The following COX7B2 variants were observed in gnomAD, a reference collection of about 807,000 sequenced individuals.
COX7B2 encodes the protein cytochrome c oxidase subunit 7B2.
For missense variants in COX7B2, 109 were observed against 95.9 expected (o/e 1.14, Z -0.57); for synonymous variants, 37 against 32.1 (o/e 1.15, Z -0.51).
intron 1 of COX7B2, among the ~76,000 whole-genome samples, chr4:46,848,606 T>A (rs1716451656): frequency 6.6e-6 from 1 of 152,074 alleles, no homozygotes; most frequent in Non-Finnish European, 1.5e-5. Context: ...ATTCACTCAA[T>A]GAAGATTTAT....
At chr4:46,830,377 A>G (rs935502733) in intron 2 of COX7B2, among the ~76,000 whole-genome samples, 3 of 152,026 alleles carry the variant, frequency 2.0e-5, no homozygotes, top group African/African-American at 7.2e-5. Flanking sequence ...GAAAAGAAAC[A>G]ATGTATGTAG....
At chr4:46,894,925 A>T (rs545525434) in intron 1 of COX7B2, among the ~76,000 whole-genome samples, 2 of 152,340 alleles carry the variant, frequency 1.3e-5, no homozygotes, top group South Asian at 4.1e-4. Flanking sequence ...TCAAAACTAC[A>T]ATAAGATAGC....
intron 1 of COX7B2, among the ~76,000 whole-genome samples, chr4:46,875,192 T>G (rs928301060): frequency 1.3e-5 from 2 of 152,356 alleles, no homozygotes; most frequent in African/African-American, 4.8e-5. Context: ...AATAGGAATT[T>G]TGTAGATTTT....
intron 1 of COX7B2, among the ~76,000 whole-genome samples, chr4:46,853,625 T>C (rs1057077677): frequency 7.2e-5 from 11 of 152,114 alleles, no homozygotes; most frequent in African/African-American, 2.7e-4. Context: ...TTTAGTGTGG[T>C]TATCTTATTC....
chr4:46,850,231 AAAATGATTTAAAATAATTT>A (rs1379580112), intron 1 of COX7B2, among the ~76,000 whole-genome samples: 3 of 135,394 alleles, frequency 2.2e-5, no homozygotes, highest in Non-Finnish European at 1.7e-5. Context: ...TAAATAATTT[AAAATGATTTAAAATAATTT>A]AAATGATTTA....
At chr4:46,744,044 G>A (rs947968603) in intron 2 of COX7B2, among the ~76,000 whole-genome samples, 1 of 151,874 alleles carries the variant, frequency 6.6e-6, no homozygotes, top group Non-Finnish European at 1.5e-5. Flanking sequence ...AACTTTGGCA[G>A]TTTTAATATT....
chr4:46,779,312 T>A (rs777617715), intron 2 of COX7B2, among the ~76,000 whole-genome samples: 3 of 152,226 alleles, frequency 2.0e-5, no homozygotes, highest in South Asian at 4.1e-4. Flanking sequence ...CTTAGCAAAC[T>A]GTTCTTTAGG....
At chr4:46,803,224 G>C (rs952812606) in intron 2 of COX7B2, among the ~76,000 whole-genome samples, 13 of 152,118 alleles carry the variant, frequency 8.5e-5, no homozygotes, top group Non-Finnish European at 1.8e-4. Context: ...CCTGAAATCA[G>C]ATCTCAGTAG....
chr4:46,761,228 G>A (rs1336984165), intron 2 of COX7B2, among the ~76,000 whole-genome samples: 1 of 152,118 alleles, frequency 6.6e-6, no homozygotes, highest in African/African-American at 2.4e-5. Context: ...AGAGCTTCTT[G>A]AAAAATAGCC....
intron 2 of COX7B2, among the ~76,000 whole-genome samples, chr4:46,737,879 C>A (rs1010982184): frequency 2.0e-5 from 3 of 152,106 alleles, no homozygotes; most frequent in Non-Finnish European, 4.4e-5. Context: ...CCCCAAGGTT[C>A]TCTTTTATTT....
chr4:46,817,860 G>C (rs1157474654), intron 2 of COX7B2, among the ~76,000 whole-genome samples: 1 of 152,134 alleles, frequency 6.6e-6, no homozygotes, highest in Non-Finnish European at 1.5e-5. Flanking sequence ...CCCCCTTCAA[G>C]CATGTTTTTC....
chr4:46,748,237 A>G (rs1015493931), intron 2 of COX7B2, among the ~76,000 whole-genome samples: 8 of 152,204 alleles, frequency 5.3e-5, no homozygotes, highest in Admixed American at 4.6e-4. Flanking sequence ...CAATTGTCAC[A>G]AATTATCTTA....
In COX7B2 at chr4:46,908,223, A is replaced by T. The variant is rs557266937; in HGVS notation, c.-105+937T>A. Among the ~76,000 whole-genome samples, 9 of 152,236 alleles carry T rather than the reference A, an allele frequency of 5.9e-5. No individual in the cohort carries two copies. The East Asian group carries it at 1.4e-3, about 23-fold the overall frequency. On this transcript the variant is annotated intron_variant, in intron 1 of 2. Coordinates refer to ENST00000355591, the MANE Select transcript of COX7B2 (RefSeq NM_130902.3). ...ACATTTCCTGCAAATACCACTGGCC[A>T]TCCTAGAACCACTTTGAGATCTGTA... is the stretch of plus-strand genomic sequence containing the variant.
intron 2 of COX7B2, among the ~76,000 whole-genome samples, chr4:46,780,693 CT>C (rs141347220): frequency 0.024 from 3,611 of 152,208 alleles, 64 homozygotes; most frequent in Admixed American, 0.036. Flanking sequence ...ATTGCTATGG[CT>C]TTTTTACTTG....
At chr4:46,855,888 T>C (rs940996816) in intron 1 of COX7B2, among the ~76,000 whole-genome samples, 1 of 152,164 alleles carries the variant, frequency 6.6e-6, no homozygotes, top group East Asian at 1.9e-4. Flanking sequence ...AACACTTTCA[T>C]AGTTTTAAAA....
chr4:46,794,608 A>G (rs576876152), intron 2 of COX7B2, among the ~76,000 whole-genome samples: 1 of 152,260 alleles, frequency 6.6e-6, no homozygotes, highest in African/African-American at 2.4e-5. Context: ...TGGGAACTAC[A>G]GAAACTGAAC....
chr4:46,744,988 T>A (rs987366509), intron 2 of COX7B2, among the ~76,000 whole-genome samples: 2 of 152,072 alleles, frequency 1.3e-5, no homozygotes, highest in African/African-American at 2.4e-5. Context: ...TGCCTCAGCC[T>A]CCCAAAGTGC....
At chr4:46,882,797 T>A (rs1028460674) in intron 1 of COX7B2, among the ~76,000 whole-genome samples, 2 of 152,214 alleles carry the variant, frequency 1.3e-5, no homozygotes, top group African/African-American at 4.8e-5. Flanking sequence ...GTGTTTCCAC[T>A]GTGATGTTTT....
chr4:46,854,899 A>G (rs1042875115), intron 1 of COX7B2, among the ~76,000 whole-genome samples: 1 of 152,212 alleles, frequency 6.6e-6, no homozygotes, highest in Non-Finnish European at 1.5e-5. Context: ...TAATGAAAAT[A>G]TAAACATCAA....
Sources: allele counts gnomAD v4.1 joint callset (sites outside exome capture counted in the v4.1 genomes callset), GRCh38; gene constraint gnomAD v4.1.1; transcripts MANE v1.5; gene names NCBI Gene and HGNC (gene_info 2026-07-23, HGNC 2026-07-21).